Variants in MAGOHB observed in about 807,000 individuals in gnomAD.
MAGOHB encodes the protein protein mago nashi homolog 2.
MAGOHB carries 15 observed loss-of-function variants against 20.9 expected under a neutral mutation model. The observed-to-expected ratio is 0.72, with a 90% CI of 0.48 to 1.11. The LOEUF (loss-of-function observed/expected upper bound fraction) is 1.11, where lower values mean the gene tolerates loss of function less well. MAGOHB is among the 50% of genes least tolerant of loss of function. MAGOHB has a pLI of 0.00. For synonymous variants in MAGOHB, 50 were observed against 57.9 expected (o/e 0.86, Z 0.62); for missense variants, 162 against 177.6 (o/e 0.91, Z 0.50).
downstream of MAGOHB, chr12:10,599,560 T>G (rs1331436449): frequency 6.6e-6 from 1 of 152,224 alleles, no homozygotes; most frequent in Non-Finnish European, 1.5e-5. Flanking sequence ...TGGAGAAAAC[T>G]GATTTCAAAA....
chr12:10,606,341 C>A lies in MAGOHB; in HGVS notation c.381G>T (p.Leu127Phe). 6.3e-7 allele frequency: 1 copy of A among 1,580,118 alleles called. No individual in the cohort carries two copies. The highest frequency in any genetic ancestry group is 1.2e-5 in the South Asian group (1 of 86,476). Residue 127 changes from leucine to phenylalanine, a missense_variant, in exon 5 of 5, where the codon TTG (leucine) becomes TTT (phenylalanine). Physicochemically the swap from Leu to Phe is conservative, Grantham distance 22 (BLOSUM62 0). Transcript: ENST00000320756. ...AAACTAAACATTTCAAGTCTTGTAC[C>A]AAATAGTAAAATACTCGAAGGCCTT... ...DPEGLRVFYY[L>F]VQDLKCLVFS...
chr12:10,613,101 C>T (rs376694452), intron 1 of MAGOHB: 2 of 547,858 alleles, frequency 3.7e-6, no homozygotes, highest in Admixed American at 3.5e-5. Context: ...CTGGTCACCA[C>T]AAGATTTTAT....
At chr12:10,600,273 T>A (rs1037323432), downstream of MAGOHB, among the ~76,000 whole-genome samples, 6 of 152,030 alleles carry the variant, frequency 3.9e-5, no homozygotes, top group Non-Finnish European at 2.9e-5. Flanking sequence ...AAGAAATTCA[T>A]CTGAAATGTT....
chr12:10,599,660 C>T (rs1263980930), downstream of MAGOHB: 1 of 152,144 alleles, frequency 6.6e-6, no homozygotes, highest in Non-Finnish European at 1.5e-5. Flanking sequence ...GATACTGTAA[C>T]TCAAAATTTT....
At chr12:10,613,109 T>C (rs1313052435) in intron 1 of MAGOHB, 2 of 527,740 alleles carry the variant, frequency 3.8e-6, no homozygotes, top group East Asian at 5.6e-5. Flanking sequence ...CACAAGATTT[T>C]ATTCATCCAC....
Position 10,606,618 on chromosome 12 carries a change from ACAT to A in MAGOHB, c.348-247_348-245del, listed in dbSNP as rs151045488. Among the ~76,000 whole-genome samples the A allele has an allele frequency of 2.6e-3, 398 of 152,198 alleles. 3 individuals are homozygous for A. The highest frequency in any genetic ancestry group is 9.2e-3 in the African/African-American group (381 of 41,552). On this transcript the variant is annotated intron_variant, in intron 4 of 4. Coordinates refer to ENST00000320756, the MANE Select transcript of MAGOHB (RefSeq NM_018048.5). Reference sequence around the variant, plus strand: ...TCATATCCTTATGATTGTAATAACCACATCATAAAAATGTCTAATAAAGCAGAA... The same window carrying A: ...TCATATCCTTATGATTGTAATAACCACATAAAAATGTCTAATAAAGCAGAA...
In MAGOHB at chr12:10,604,924, TACCTAA is replaced by T. The variant is rs1290705339; in HGVS notation, c.*1345_*1350del. The T allele has an allele frequency of 6.6e-5, 10 of 152,098 alleles. No homozygotes were observed. In the South Asian group the frequency reaches 8.3e-4, roughly 13 times the overall value. The allele number at this position is 152,098 out of a possible 1,614,324, so 9.4% of individuals were successfully genotyped here. ...AAACGGTAGCCGCTAGACACGTGGC[TACCTAA>T]ATTTAATCAAAATTAAATAGCACTA... On this transcript the variant is annotated 3_prime_UTR_variant, in exon 5 of 5. Transcript: ENST00000320756.
At chr12:10,611,476 G>C (rs1865735344) in intron 1 of MAGOHB, among the ~76,000 whole-genome samples, 1 of 152,140 alleles carries the variant, frequency 6.6e-6, no homozygotes, top group Admixed American at 6.5e-5. Flanking sequence ...ACCAGGCACA[G>C]TGGCTCATGC....
intron 4 of MAGOHB, among the ~76,000 whole-genome samples, chr12:10,607,635 C>T (rs539629655): frequency 1.3e-5 from 2 of 152,238 alleles, no homozygotes; most frequent in South Asian, 4.1e-4. Flanking sequence ...TTATATACAG[C>T]TGTTGGATTA....
At chr12:10,610,814 T>C in intron 1 of MAGOHB, 134 bp from the exon 2 acceptor site, 1 of 799,572 alleles carries the variant, frequency 1.3e-6, no homozygotes, top group Non-Finnish European at 1.8e-6. Flanking sequence ...TTGTGTAAGA[T>C]CATTGCTAGA....
At chr12:10,610,523 C>T (rs1865706555) in intron 2 of MAGOHB, 99 bp downstream of exon 2, 2 of 1,315,804 alleles carry the variant, frequency 1.5e-6, no homozygotes. Flanking sequence ...TACAATATAG[C>T]CTTAGATGTA....
chr12:10,611,781 G>GAA (rs1473667981), intron 1 of MAGOHB, among the ~76,000 whole-genome samples: 2 of 114,014 alleles, frequency 1.8e-5, no homozygotes, highest in African/African-American at 3.3e-5. Flanking sequence ...AAAAAGAAAA[G>GAA]AAACGCGTCT....
At chr12:10,602,458 A>G (rs112886059), downstream of MAGOHB, among the ~76,000 whole-genome samples, 611 of 152,334 alleles carry the variant, frequency 4.0e-3, 3 homozygotes, top group African/African-American at 0.014. Context: ...TCTCCTTTAA[A>G]GGAAAACACA....
chr12:10,600,090 T>C (rs568136534), downstream of MAGOHB, among the ~76,000 whole-genome samples: 1 of 152,274 alleles, frequency 6.6e-6, no homozygotes, highest in Non-Finnish European at 1.5e-5. Flanking sequence ...TTCAAGTAAA[T>C]GTATTTTTTA....
chr12:10,602,186 T>C (rs1865560279), downstream of MAGOHB, among the ~76,000 whole-genome samples: 1 of 152,264 alleles, frequency 6.6e-6, no homozygotes, highest in Non-Finnish European at 1.5e-5. Context: ...TTTTTACATA[T>C]TGTCTCCTCT....
At chr12:10,602,394 G>A (rs531535577), downstream of MAGOHB, among the ~76,000 whole-genome samples, 1 of 152,314 alleles carries the variant, frequency 6.6e-6, no homozygotes, top group South Asian at 2.1e-4. Flanking sequence ...TTTTCTAGCT[G>A]CTCCCCTGTT....
chr12:10,607,434 C>G (rs564227378), intron 4 of MAGOHB, among the ~76,000 whole-genome samples: 1 of 152,212 alleles, frequency 6.6e-6, no homozygotes, highest in East Asian at 1.9e-4. Flanking sequence ...GGGAAGACAT[C>G]GATAGCTAAA....
At chr12:10,601,193 T>C (rs1380986951), downstream of MAGOHB, among the ~76,000 whole-genome samples, 3 of 152,204 alleles carry the variant, frequency 2.0e-5, no homozygotes, top group Non-Finnish European at 4.4e-5. Context: ...TGGGGTGTAG[T>C]AATAGCGGAT....
In MAGOHB at chr12:10,605,276, G is replaced by A. The variant is rs972492328; in HGVS notation, c.*999C>T. On this transcript the variant is annotated 3_prime_UTR_variant, in exon 5 of 5. Transcript: ENST00000320756. ...TTGCAAAAAAGTTATTGGACTGCCC[G>A]ACTCTAGAGCCTACCTGCTCAGGAG... is the stretch of plus-strand genomic sequence containing the variant. 2.0e-5 allele frequency: 3 copies of A among 152,142 alleles called. No homozygotes were observed. The highest frequency in any genetic ancestry group is 7.2e-5 in the African/African-American group (3 of 41,430). The allele number at this position is 152,142 out of a possible 1,614,324, so 9.4% of individuals were successfully genotyped here. A position where few individuals can be genotyped will look rare whatever the true frequency, so the allele number is the denominator to read the frequency against.
Sources: gnomAD v4.1 joint callset for allele counts (sites outside exome capture counted in the v4.1 genomes callset) on GRCh38, gnomAD v4.1.1 for gene constraint, MANE v1.5 for transcripts, NCBI Gene and HGNC (gene_info 2026-07-23, HGNC 2026-07-21) for gene names.